The following NRG1 variants were observed in gnomAD, a reference collection of about 807,000 sequenced individuals.
NRG1 encodes neuregulin 1.
Under a neutral mutation model 63.8 loss-of-function variants are expected in NRG1, and 18 were observed. The observed-to-expected ratio is 0.28, with a 90% confidence interval of 0.19 to 0.42. The LOEUF is 0.42. Ranked by LOEUF, NRG1 falls within the 10% of genes least tolerant of loss-of-function variation. The pLI is 1.00. For missense variants in NRG1, 762 were observed against 814.7 expected, an observed-to-expected ratio of 0.94 and a Z score of 0.79; for synonymous variants, 302 against 301.3, an observed-to-expected ratio of 1.00 and a Z score of -0.02.
chr8:32,596,050 GATAACA>G, intron 2 of NRG1, 45 bp downstream of exon 2: 2 of 1,455,202 alleles, frequency 1.4e-6, no homozygotes, highest in Non-Finnish European at 1.9e-6. Flanking sequence ...CCAGCAATAA[GATAACA>G]TATAAATGTT....
chr8:32,378,311 T>C (rs879820219), intron 1 of NRG1, among the ~76,000 whole-genome samples: 18 of 152,194 alleles, frequency 1.2e-4, no homozygotes, highest in Non-Finnish European at 2.5e-4. Flanking sequence ...ACAGGACTTT[T>C]ACTCATAAAG....
At chr8:32,710,339 T>C (rs1444741884) in intron 5 of NRG1, among the ~76,000 whole-genome samples, 1 of 152,190 alleles carries the variant, frequency 6.6e-6, no homozygotes, top group Non-Finnish European at 1.5e-5. Context: ...CTCTTTGTTG[T>C]GTACAATCAG....
chr8:31,822,505 G>A (rs564066613), intron 1 of NRG1, among the ~76,000 whole-genome samples: 13 of 152,274 alleles, frequency 8.5e-5, no homozygotes, highest in African/African-American at 3.1e-4. Context: ...TATAGGTTGA[G>A]GAAATTGTGT....
chr8:32,489,153 C>T (rs1447679491), intron 1 of NRG1, among the ~76,000 whole-genome samples: 2 of 152,098 alleles, frequency 1.3e-5, no homozygotes, highest in Non-Finnish European at 2.9e-5. Flanking sequence ...TTGATTCTTC[C>T]TTTAGGATGG....
intron 1 of NRG1, among the ~76,000 whole-genome samples, chr8:32,477,261 A>G (rs1177470113): frequency 1.3e-5 from 2 of 152,300 alleles, no homozygotes; most frequent in East Asian, 3.9e-4. Context: ...AGATGGCATG[A>G]ACCAGAGGTC....
intron 1 of NRG1, among the ~76,000 whole-genome samples, chr8:32,004,755 A>G (rs1813479810): frequency 6.6e-6 from 1 of 151,938 alleles, no homozygotes; most frequent in South Asian, 2.1e-4. Flanking sequence ...AAAACAATCC[A>G]GACTAACAAT....
intron 5 of NRG1, among the ~76,000 whole-genome samples, chr8:32,660,142 TC>T (rs1218143006): frequency 2.0e-5 from 3 of 152,138 alleles, no homozygotes; most frequent in African/African-American, 7.2e-5. Context: ...GCTCCAAAAA[TC>T]CAAAACTTTT....
At chr8:32,046,463 CTTTAAAT>C (rs1351421243) in intron 1 of NRG1, among the ~76,000 whole-genome samples, 4 of 151,944 alleles carry the variant, frequency 2.6e-5, no homozygotes, top group Non-Finnish European at 1.5e-5. Context: ...TGCTAGCAAA[CTTTAAAT>C]TTATGTTCAC....
chr8:31,707,120 C>T (rs1811228112), intron 1 of NRG1, among the ~76,000 whole-genome samples: 1 of 151,936 alleles, frequency 6.6e-6, no homozygotes, highest in Admixed American at 6.6e-5. Flanking sequence ...TTTCCCCTTC[C>T]AAGATTATAA....
chr8:32,056,059 C>G (rs1038293051), intron 1 of NRG1, among the ~76,000 whole-genome samples: 1 of 152,098 alleles, frequency 6.6e-6, no homozygotes, highest in Non-Finnish European at 1.5e-5. Flanking sequence ...ACTCCTCTCC[C>G]CATAGAGAAG....
intron 1 of NRG1, among the ~76,000 whole-genome samples, chr8:32,027,448 CCTTCCTTCCTTCCTTCCT>C (rs1563695883): frequency 3.8e-5 from 5 of 131,588 alleles, no homozygotes; most frequent in African/African-American, 1.6e-4. Context: ...TTCCTTCCTT[CCTTCCTTCCTTCCTTCCT>C]TCCCTCCCTC....
At chr8:32,539,980 G>A (rs1002122652) in intron 1 of NRG1, among the ~76,000 whole-genome samples, 1 of 152,166 alleles carries the variant, frequency 6.6e-6, no homozygotes, top group African/African-American at 2.4e-5. Flanking sequence ...TAGATTGGTG[G>A]AGAGTTGGAG....
intron 1 of NRG1, among the ~76,000 whole-genome samples, chr8:32,351,418 G>A (rs6468098): frequency 0.51 from 78,025 of 151,866 alleles, 21,044 homozygotes; most frequent in Non-Finnish European, 0.61. Flanking sequence ...AAAATCTTTC[G>A]GGGTACTTCG....
chr8:31,769,987 G>A (rs1033907126), intron 1 of NRG1, among the ~76,000 whole-genome samples: 1 of 152,152 alleles, frequency 6.6e-6, no homozygotes, highest in Non-Finnish European at 1.5e-5. Flanking sequence ...GTACCGGGGA[G>A]AGAGAATACT....
intron 5 of NRG1, among the ~76,000 whole-genome samples, chr8:32,617,513 C>T (rs1847591157): frequency 6.6e-6 from 1 of 152,138 alleles, no homozygotes. Context: ...GTCGGGGGAA[C>T]TTAAAATATT....
chr8:32,362,980 GT>G (rs1335298464), intron 1 of NRG1, among the ~76,000 whole-genome samples: 1 of 152,124 alleles, frequency 6.6e-6, no homozygotes, highest in African/African-American at 2.4e-5. Context: ...AGGATTGCAC[GT>G]GCCCTGTGCA....
intron 1 of NRG1, among the ~76,000 whole-genome samples, chr8:31,885,477 A>C (rs1252995486): frequency 6.6e-6 from 1 of 152,144 alleles, no homozygotes; most frequent in Admixed American, 6.6e-5. Context: ...TTTGTATTAT[A>C]AAGAGTTGAC....
At chr8:32,157,573 C>T (rs1026276433) in intron 1 of NRG1, among the ~76,000 whole-genome samples, 5 of 151,518 alleles carry the variant, frequency 3.3e-5, no homozygotes, top group Non-Finnish European at 5.9e-5. Context: ...GCAGGAGAAT[C>T]GCTTGAACCT....
At chr8:31,818,404 T>A (rs1244705457) in intron 1 of NRG1, among the ~76,000 whole-genome samples, 2 of 152,140 alleles carry the variant, frequency 1.3e-5, no homozygotes, top group Non-Finnish European at 2.9e-5. Context: ...TGGTGTATAG[T>A]CTATATCAGC....
Sources: allele counts gnomAD v4.1 joint callset (sites outside exome capture counted in the v4.1 genomes callset), GRCh38; gene constraint gnomAD v4.1.1; transcripts MANE v1.5; gene names NCBI Gene and HGNC (gene_info 2026-07-23, HGNC 2026-07-21).